Variants in ACE observed in about 807,000 individuals in gnomAD.
ACE encodes the protein angiotensin-converting enzyme.
ACE carries 122 observed loss-of-function variants against 162.3 expected under a neutral mutation model. That is an observed-to-expected ratio of 0.75 (90% CI 0.65 to 0.87). ACE has a LOEUF of 0.87. ACE is among the 40% of genes least tolerant of loss of function. The probability of loss-of-function intolerance (pLI) is 0.00; values close to 1 mark genes in which losing one functional copy is unlikely to be tolerated. For missense variants in ACE, 1,799 were observed against 1,735.1 expected (o/e 1.04, Z -0.65); for synonymous variants, 796 against 720.6 (o/e 1.10, Z -1.68).
Position 63,488,978 on chromosome 17 carries a change from C to T in ACE, c.2487C>T (p.Tyr829=), listed in dbSNP as rs35580653. Residue 829 remains tyrosine (Y), a synonymous_variant, in exon 17 of 25, where the codon TAC becomes TAT. Coordinates refer to ENST00000290866, the MANE Select transcript of ACE (RefSeq NM_000789.4). The part of the protein sequence containing the change: ...VDAGDSWRSM[Y]ETPSLEQDLE... ...CAGGGGACTCGTGGAGGTCTATGTACGAGACACCATCCCTGGAGCAAGACC... is the reference window on the plus strand; with the variant it reads ...CAGGGGACTCGTGGAGGTCTATGTATGAGACACCATCCCTGGAGCAAGACC... 25 of 1,614,038 alleles carry T rather than the reference C, an allele frequency of 1.5e-5. No homozygotes were observed. In the East Asian group the frequency reaches 1.6e-4, roughly 10 times the overall value.
At position 63,490,992 on chromosome 17, in the gene ACE, TTGG is replaced by T; in HGVS notation, c.2686_2688del (p.Val896del). On this transcript the variant is annotated inframe_deletion, in exon 18 of 25. Transcript: ENST00000290866. Reference sequence around the variant, plus strand: ...GCAGACCTGGTCCAACATCTATGACTTGGTGGTGCCCTTCCCTTCAGCCCCCTC... The same window carrying T: ...GCAGACCTGGTCCAACATCTATGACTTGGTGCCCTTCCCTTCAGCCCCCTC... 1.2e-6 allele frequency: 2 copies of T among 1,614,206 alleles called. No homozygotes were observed. The highest frequency in any genetic ancestry group is 1.7e-6 in the Non-Finnish European group (2 of 1,180,030).
At chr17:63,494,319 C>A in intron 21 of ACE, 53 bp from the exon 22 acceptor site, 1 of 1,563,112 alleles carries the variant, frequency 6.4e-7, no homozygotes, top group Non-Finnish European at 8.8e-7. Context: ...AAATGCCACC[C>A]CCAGCCTGGT....
chr17:63,481,139 CT>C lies in ACE; in HGVS notation c.899del (p.Phe300SerfsTer156), dbSNP rs1387186484. 1.9e-6 allele frequency: 3 copies of C among 1,613,856 alleles called. No homozygotes were observed. Among genetic ancestry groups the C allele is most frequent in the Admixed American group, 1.7e-5 (1 of 59,990 alleles). On this transcript the variant is annotated frameshift_variant, in exon 6 of 25. Transcript: ENST00000290866. LOFTEE classifies it high-confidence loss of function. ...SWENIYDMVV[P>X]FPDKPNLDVT... ...GAAAACATCTACGACATGGTGGTGC[CT>C]TTCCCAGACAAGCCCAACCTCGATG...
chr17:63,480,265 G>A, intron 4 of ACE, 72 bp from the exon 5 acceptor site: 4 of 1,546,534 alleles, frequency 2.6e-6, no homozygotes, highest in Non-Finnish European at 2.7e-6. Context: ...CAGTGGAAGA[G>A]CCGACTTACA....
In ACE at chr17:63,489,286, G is replaced by A. The variant is rs147563207; in HGVS notation, c.2641+154G>A. Among the ~76,000 whole-genome samples the A allele has an allele frequency of 1.9e-3, 291 of 152,268 alleles. 1 individual carries two copies. Among genetic ancestry groups the A allele is most frequent in the African/African-American group, 6.4e-3 (265 of 41,548 alleles). ...TTGCCCAGGCTGGAGGGGGGTGGGC[G>A]CTGGGAGTGGGGAGCCCCCCACTTG... On this transcript the variant is annotated intron_variant, in intron 17 of 24. Transcript: ENST00000290866.
At chr17:63,480,625 C>T (rs904836892) in intron 5 of ACE, 97 bp downstream of exon 5, 10 of 1,315,680 alleles carry the variant, frequency 7.6e-6, no homozygotes, top group Middle Eastern at 1.8e-4. Flanking sequence ...TGGGTTGTGA[C>T]CCTCACATCT....
rs908920716 is a variant in ACE at position 63,477,456 on chromosome 17, CCCCGGA to C, written c.249+117_249+122del. 1.3e-5 allele frequency: 11 copies of C among 861,540 alleles called. No homozygotes were observed. The African/African-American group carries it at 1.4e-4, about 11-fold the overall frequency. The allele number at this position is 861,540 out of a possible 1,614,324, so 53.4% of individuals were successfully genotyped here. A position where few individuals can be genotyped will look rare whatever the true frequency, so the allele number is the denominator to read the frequency against. On this transcript the variant is annotated intron_variant, in intron 1 of 24. Coordinates refer to ENST00000290866, the MANE Select transcript of ACE (RefSeq NM_000789.4). Reference sequence around the variant, plus strand: ...GCCCCCGACCCGAACCCCACCCCGACCCCGGACCCTCGCCCCGACAGTCAGCCGCGG... The same window carrying C: ...GCCCCCGACCCGAACCCCACCCCGACCCCTCGCCCCGACAGTCAGCCGCGG...
chr17:63,484,505 C>T lies in ACE; in HGVS notation c.1885C>T (p.His629Tyr), dbSNP rs2029862989. Residue 629 changes from histidine (H) to tyrosine (Y), a missense_variant, in exon 12 of 25, where the codon CAC becomes TAC. Coordinates refer to ENST00000290866, the MANE Select transcript of ACE (RefSeq NM_000789.4). The surrounding 1 kb of genome is among the most constrained non-coding windows in gnomAD (Gnocchi z 4.0). ...CCTGGGCTGGCCCGAGTACCAGTGG[C>T]ACCCGCCGTTGCCTGACAACTACCC... ...EVLGWPEYQW[H>Y]PPLPDNYPEG... The T allele has an allele frequency of 6.2e-7, 1 of 1,601,878 alleles. No individual in the cohort carries two copies. The highest frequency in any genetic ancestry group is 8.5e-7 in the Non-Finnish European group (1 of 1,174,596).
rs756742824 is a variant in ACE, at chr17:63,496,983, C to A, written c.3689C>A (p.Ser1230Tyr). ...GWPQYNWTPNSARSEGPLPDS... is the reference protein window; with the variant it reads ...GWPQYNWTPNYARSEGPLPDS... ...CCGCAGTACAACTGGACGCCGAACT[C>A]CGGTACCGCCACCCACCCCACCTCC... Residue 1230 changes from serine to tyrosine, a missense_variant and splice_region_variant, in exon 24 of 25, where the codon TCC becomes TAC. Coordinates refer to ENST00000290866, the MANE Select transcript of ACE (RefSeq NM_000789.4). 4.4e-6 allele frequency: 7 copies of A among 1,609,006 alleles called. No homozygotes were observed. The Admixed American group carries it at 1.2e-4, about 27-fold the overall frequency.
Position 63,492,629 on chromosome 17 carries a change from T to G in ACE, c.2913-807T>G, listed in dbSNP as rs555916291. On this transcript the variant is annotated intron_variant, in intron 19 of 24. Transcript: ENST00000290866. Reference sequence around the variant, plus strand: ...ATGCTGGGCAGCTCTTCCTTCCCCCTCCCCGATGAGAATGACAGAAAAACA... The same window carrying G: ...ATGCTGGGCAGCTCTTCCTTCCCCCGCCCCGATGAGAATGACAGAAAAACA... Among the ~76,000 whole-genome samples the G allele has an allele frequency of 7.2e-5, 11 of 152,256 alleles. No homozygotes were observed. The East Asian group carries it at 2.1e-3, about 29-fold the overall frequency.
chr17:63,490,072 G>T (rs1026992609), intron 17 of ACE: 3 of 152,546 alleles, frequency 2.0e-5, no homozygotes, highest in Non-Finnish European at 4.4e-5. Flanking sequence ...TGCGCTCTCT[G>T]TCTCTCTCTC....
rs2030366031 is a variant in ACE at position 63,491,310 on chromosome 17, G to A, written c.2841G>A (p.Glu947=). The part of the protein sequence containing the change: ...PPEFWNKSML[E]KPTDGREVVC... ...AGTTCTGGAACAAGTCGATGCTGGA[G>A]AAGCCAACCGACGGGCGGGAGGTGG... The change falls in exon 19 of 25, where the codon GAG becomes GAA. Residue 947 remains glutamate, a synonymous_variant. Coordinates refer to ENST00000290866, the MANE Select transcript of ACE (RefSeq NM_000789.4). The surrounding 1 kb of genome is among the most constrained non-coding windows in gnomAD (Gnocchi z 4.4). 1.9e-6 allele frequency: 3 copies of A among 1,614,066 alleles called. No individual in the cohort carries two copies. The highest frequency in any genetic ancestry group is 1.3e-5 in the African/African-American group (1 of 74,932).
At chr17:63,486,867 C>A in intron 14 of ACE, 119 bp from the exon 15 acceptor site, 2 of 1,434,556 alleles carry the variant, frequency 1.4e-6, no homozygotes, top group Non-Finnish European at 2.0e-6. Context: ...GCTGAGAGGG[C>A]AGCGCTCCCC....
chr17:63,494,495 A>G, intron 22 of ACE, 25 bp downstream of exon 22: 4 of 1,579,090 alleles, frequency 2.5e-6, no homozygotes, highest in South Asian at 2.2e-5. Flanking sequence ...AGGAGGGCAC[A>G]TTGTGAGGGG....
chr17:63,481,953 G>A (rs1382462649), intron 7 of ACE, among the ~76,000 whole-genome samples: 1 of 152,138 alleles, frequency 6.6e-6, no homozygotes, highest in Non-Finnish European at 1.5e-5. Context: ...TCTATACCTT[G>A]GAATGGAGGA....
chr17:63,481,837 C>T (rs913601365), intron 7 of ACE, 99 bp downstream of exon 7: 18 of 1,495,572 alleles, frequency 1.2e-5, no homozygotes, highest in Non-Finnish European at 1.6e-5. Context: ...CCAGGCCTGC[C>T]TCTACCCTAC....
chr17:63,494,596 G>A (rs765627166), intron 22 of ACE, 126 bp downstream of exon 22: 7 of 835,578 alleles, frequency 8.4e-6, no homozygotes, highest in Non-Finnish European at 1.4e-5. Flanking sequence ...CGGCCGCACG[G>A]TGCAGGTGCC....
Position 63,482,639 on chromosome 17 carries a change from C to A in ACE, c.1292C>A (p.Pro431His). ...GTGCTGGCGCTCTCGGTCTCCACTCCTGAACATCTGCACAAAATCGGCCTG... is the reference window on the plus strand; with the variant it reads ...GTGCTGGCGCTCTCGGTCTCCACTCATGAACATCTGCACAAAATCGGCCTG... ...GDVLALSVST[P>H]EHLHKIGLLD... Residue 431 changes from proline to histidine, a missense_variant, in exon 8 of 25, where the codon CCT (proline) becomes CAT (histidine). Pro to His is a moderately conservative substitution (Grantham distance 77). Transcript: ENST00000290866. 2 of 1,614,036 alleles carry A rather than the reference C, an allele frequency of 1.2e-6. No homozygotes were observed. The highest frequency in any genetic ancestry group is 1.7e-6 in the Non-Finnish European group (2 of 1,179,970).
intron 23 of ACE, 140 bp downstream of exon 23, chr17:63,496,656 G>C: frequency 1.9e-6 from 3 of 1,578,610 alleles, no homozygotes; most frequent in Non-Finnish European, 2.6e-6. Context: ...GGCCAGGCCT[G>C]ATTGCCATCT....
Sources: gnomAD v4.1 joint callset for allele counts (sites outside exome capture counted in the v4.1 genomes callset) on GRCh38, gnomAD v4.1.1 for gene constraint, Gnocchi (gnomAD v3.1) non-coding constraint, MANE v1.5 for transcripts, NCBI Gene and HGNC (gene_info 2026-07-23, HGNC 2026-07-21) for gene names.